Variants in CLNS1A observed in about 807,000 individuals in gnomAD.
The protein encoded by CLNS1A is methylosome subunit pICln.
CLNS1A carries 16 observed loss-of-function variants against 29.4 expected under a neutral mutation model. The observed-to-expected ratio is 0.54, with a 90% CI of 0.37 to 0.83. CLNS1A has a LOEUF of 0.83. Among genes scored for constraint, CLNS1A ranks in the 40% least tolerant of loss-of-function variants. The pLI, the probability that CLNS1A is intolerant of heterozygous loss-of-function variation, is 0.00. For synonymous variants in CLNS1A, 96 were observed against 104.8 expected, an observed-to-expected ratio of 0.92 and a Z score of 0.51; for missense variants, 235 against 287.4, an observed-to-expected ratio of 0.82 and a Z score of 1.32.
intron 2 of CLNS1A, 98 bp from the exon 3 acceptor site, chr11:77,625,916 T>A: frequency 2.0e-6 from 2 of 1,021,120 alleles, no homozygotes; most frequent in Non-Finnish European, 2.8e-6. Context: ...AATTTCCAAT[T>A]ATGGTTGACA....
chr11:77,637,255 A>AAAAAAAAAAAAG (rs1219976827), intron 1 of CLNS1A, among the ~76,000 whole-genome samples: 6 of 145,824 alleles, frequency 4.1e-5, no homozygotes, highest in East Asian at 2.0e-4. Flanking sequence ...AAAAAAAAAA[A>AAAAAAAAAAAAG]AAAAGAAAAT....
chr11:77,620,989 T>C (rs1958952269), intron 5 of CLNS1A, among the ~76,000 whole-genome samples: 2 of 150,740 alleles, frequency 1.3e-5, no homozygotes, highest in Admixed American at 1.3e-4. Flanking sequence ...CTTAAATAAA[T>C]AAATAAATAA....
At chr11:77,622,787 A>C in intron 4 of CLNS1A, 114 bp from the exon 5 acceptor site, 1 of 784,866 alleles carries the variant, frequency 1.3e-6, no homozygotes, top group East Asian at 2.9e-5. Flanking sequence ...ATCTCTACTA[A>C]AAATACAAAA....
At chr11:77,620,267 T>A (rs769923156) in intron 5 of CLNS1A, among the ~76,000 whole-genome samples, 1 of 152,176 alleles carries the variant, frequency 6.6e-6, no homozygotes, top group African/African-American at 2.4e-5. Flanking sequence ...CTCATAATAA[T>A]GAGTAAGTTT....
rs887010015 is a variant in CLNS1A, at chr11:77,637,453, T to C, written c.125+137A>G. ...TCGAGCCTTCCACCCGCTACAGGTA[T>C]CCCTGAGGCGTCGGGCACGAGACCC... On this transcript the variant is annotated intron_variant, in intron 1 of 6. Coordinates refer to ENST00000525428, the MANE Select transcript of CLNS1A (RefSeq NM_001293.3). 1.3e-5 allele frequency: 14 copies of C among 1,102,872 alleles called. No individual in the cohort carries two copies. In the African/African-American group the frequency reaches 2.1e-4, roughly 16 times the overall value. 68.3% of individuals were successfully genotyped at this position (1,102,872 alleles called of 1,614,324 possible).
intron 6 of CLNS1A, among the ~76,000 whole-genome samples, chr11:77,618,903 A>G (rs1590792506): frequency 6.6e-6 from 1 of 152,236 alleles, no homozygotes; most frequent in South Asian, 2.1e-4. Flanking sequence ...AAATCTTACC[A>G]TGCTATTACT....
At chr11:77,635,090 C>G (rs1439006170) in intron 1 of CLNS1A, among the ~76,000 whole-genome samples, 1 of 152,208 alleles carries the variant, frequency 6.6e-6, no homozygotes, top group Non-Finnish European at 1.5e-5. Context: ...CAGGCGTAAG[C>G]CACCTTGCCC....
intron 6 of CLNS1A, 59 bp downstream of exon 6, chr11:77,619,547 A>G (rs1958936120): frequency 3.5e-6 from 4 of 1,128,852 alleles, no homozygotes. Context: ...AAAAAGTAGA[A>G]AGTAATCATT....
intron 1 of CLNS1A, among the ~76,000 whole-genome samples, chr11:77,631,856 G>A (rs34910065): frequency 3.9e-5 from 6 of 152,134 alleles, no homozygotes; most frequent in African/African-American, 7.2e-5. Context: ...TCCTGCCTCA[G>A]CCTCCCAAGT....
chr11:77,622,118 A>G, intron 5 of CLNS1A: 1 of 456,116 alleles, frequency 2.2e-6, no homozygotes, highest in Non-Finnish European at 4.4e-6. Flanking sequence ...ACTATGAGAC[A>G]ATAAAATTCT....
chr11:77,622,697 G>T, intron 4 of CLNS1A, 24 bp from the exon 5 acceptor site: 1 of 1,521,642 alleles, frequency 6.6e-7, no homozygotes, highest in Non-Finnish European at 8.8e-7. Flanking sequence ...AAACTTTAAA[G>T]TTTAAATACA....
intron 1 of CLNS1A, among the ~76,000 whole-genome samples, chr11:77,636,949 T>A (rs887062609): frequency 6.6e-6 from 1 of 152,024 alleles, no homozygotes; most frequent in Non-Finnish European, 1.5e-5. Flanking sequence ...CGTGGCCAAA[T>A]AAAAGGGCAA....
At position 77,616,473 on chromosome 11, in the gene CLNS1A, G is replaced by C. The variant is rs1958906637; in HGVS notation, c.*245C>G. On this transcript the variant is annotated 3_prime_UTR_variant, in exon 7 of 7. Coordinates refer to ENST00000525428, the MANE Select transcript of CLNS1A (RefSeq NM_001293.3). ...GGGTACCCAGACACAGAAAGTTTTAGGGTAAATAGTAAACTACAAATACCC... is the reference window on the plus strand; with the variant it reads ...GGGTACCCAGACACAGAAAGTTTTACGGTAAATAGTAAACTACAAATACCC... 1 of 152,552 alleles carries C rather than the reference G, an allele frequency of 6.6e-6. No homozygotes were observed. The highest frequency in any genetic ancestry group is 2.4e-5 in the African/African-American group (1 of 41,414). 9.4% of individuals were successfully genotyped at this position (152,552 alleles called of 1,614,324 possible).
At chr11:77,623,770 GATA>G (rs913990676) in intron 4 of CLNS1A, among the ~76,000 whole-genome samples, 7 of 152,254 alleles carry the variant, frequency 4.6e-5, no homozygotes, top group African/African-American at 1.7e-4. Context: ...AAGGGCTTTG[GATA>G]CCCAGATTGG....
At chr11:77,626,091 T>G (rs903488379) in intron 2 of CLNS1A, among the ~76,000 whole-genome samples, 9 of 152,130 alleles carry the variant, frequency 5.9e-5, no homozygotes, top group African/African-American at 2.2e-4. Flanking sequence ...TAAGGTAATC[T>G]AATCTCATCA....
chr11:77,621,262 C>T lies in CLNS1A; in HGVS notation c.646+1238G>A, dbSNP rs118096942. On this transcript the variant is annotated intron_variant, in intron 5 of 6. Coordinates refer to ENST00000525428, the MANE Select transcript of CLNS1A (RefSeq NM_001293.3). ...AAGCCGAGGTCACGTTATTGTACTC[C>T]GGCCTGGACGACAGAGCAAGACTCT... 2.1e-3 allele frequency among the ~76,000 whole-genome samples: 312 copies of T among 150,980 alleles called. 5 individuals carry two copies. The East Asian group carries it at 0.03, about 14-fold the overall frequency.
At chr11:77,631,199 G>T (rs117847370) in intron 1 of CLNS1A, among the ~76,000 whole-genome samples, 1,755 of 152,084 alleles carry the variant, frequency 0.012, 22 homozygotes, top group Non-Finnish European at 0.018. Flanking sequence ...TCCCCTAAAT[G>T]AAATCAATGT....
chr11:77,633,322 T>G (rs572657417), intron 1 of CLNS1A, among the ~76,000 whole-genome samples: 38 of 152,282 alleles, frequency 2.5e-4, no homozygotes, highest in Non-Finnish European at 4.9e-4. Flanking sequence ...AGTTCTAACT[T>G]TCAAAGTGAT....
At chr11:77,625,942 A>G (rs1959013961) in intron 2 of CLNS1A, 124 bp from the exon 3 acceptor site, 1 of 898,480 alleles carries the variant, frequency 1.1e-6, no homozygotes, top group Admixed American at 2.8e-5. Flanking sequence ...ATTTCCAATT[A>G]TGGTTGAAAA....
Sources: gnomAD v4.1 joint callset for allele counts (sites outside exome capture counted in the v4.1 genomes callset) on GRCh38, gnomAD v4.1.1 for gene constraint, MANE v1.5 for transcripts, NCBI Gene and HGNC (gene_info 2026-07-23, HGNC 2026-07-21) for gene names.